Variants in RNF185 observed in about 807,000 individuals in gnomAD.
RNF185 encodes the protein ring finger protein 185, also known as E3 ubiquitin-protein ligase RNF185.
RNF185 carries 13 observed loss-of-function variants against 24.9 expected under a neutral mutation model. That is an observed-to-expected ratio of 0.52 (90% confidence interval 0.34 to 0.83). The LOEUF is 0.83. Among genes scored for constraint, RNF185 ranks in the 40% least tolerant of loss-of-function variants. The pLI, the probability that RNF185 is intolerant of heterozygous loss-of-function variation, is 0.01. For synonymous variants in RNF185, 79 were observed against 90.3 expected, an observed-to-expected ratio of 0.88 and a Z score of 0.71; for missense variants, 184 against 244.7, an observed-to-expected ratio of 0.75 and a Z score of 1.65.
chr22:31,188,782 A>C (rs932576834), intron 2 of RNF185, among the ~76,000 whole-genome samples: 1 of 151,236 alleles, frequency 6.6e-6, no homozygotes, highest in Non-Finnish European at 1.5e-5. Flanking sequence ...GTATCACTGC[A>C]CTCCAGTCTA....
intron 4 of RNF185, 123 bp from the exon 5 acceptor site, chr22:31,196,813 G>A (rs2147959495): frequency 1.6e-6 from 2 of 1,278,780 alleles, no homozygotes; most frequent in East Asian, 2.5e-5. Flanking sequence ...TCTGGCATAA[G>A]TTCATGTCCT....
At position 31,180,903 on chromosome 22, in the gene RNF185, T is replaced by TTC. The variant is rs59737558; in HGVS notation, c.-48-6132_-48-6131dup. On this transcript the variant is annotated intron_variant, in intron 1 of 6. Coordinates refer to ENST00000326132, the MANE Select transcript of RNF185 (RefSeq NM_152267.4). ...GTTTAATGTGTATTTTCTAGGCATT[T>TTC]TCTCTCTCTCTCTGTGTGTGTGTGT... is the stretch of plus-strand genomic sequence containing the variant. Among the ~76,000 whole-genome samples the TTC allele has an allele frequency of 1.3e-4, 18 of 134,256 alleles. No homozygotes were observed. In the South Asian group the frequency reaches 2.8e-3, roughly 21 times the overall value. 88.1% of individuals were successfully genotyped at this position (134,256 alleles called of 152,430 possible).
At chr22:31,197,417 A>G (rs2048216420) in intron 5 of RNF185, among the ~76,000 whole-genome samples, 1 of 152,170 alleles carries the variant, frequency 6.6e-6, no homozygotes, top group Non-Finnish European at 1.5e-5. Context: ...ATTGCCAGCA[A>G]TATTTTACTA....
intron 5 of RNF185, 97 bp from the exon 6 acceptor site, chr22:31,201,401 T>G (rs200597486): frequency 1.0e-3 from 859 of 851,334 alleles, no homozygotes; most frequent in East Asian, 1.3e-3. Flanking sequence ...AAGAGGCAGG[T>G]GCCACATGCA....
chr22:31,201,008 C>G (rs976878277), intron 5 of RNF185, among the ~76,000 whole-genome samples: 7 of 152,120 alleles, frequency 4.6e-5, no homozygotes, highest in African/African-American at 1.7e-4. Flanking sequence ...TCTTTGAATG[C>G]ATGTATCAAG....
intron 5 of RNF185, 59 bp from the exon 6 acceptor site, chr22:31,201,439 A>T: frequency 8.2e-7 from 1 of 1,220,536 alleles, no homozygotes; most frequent in Non-Finnish European, 1.2e-6. Flanking sequence ...TTGAGTTTTG[A>T]CAGGCACAGG....
intron 1 of RNF185, among the ~76,000 whole-genome samples, chr22:31,173,978 A>G (rs1163379329): frequency 6.6e-6 from 1 of 152,250 alleles, no homozygotes; most frequent in Non-Finnish European, 1.5e-5. Context: ...TGCTGGTTGC[A>G]TATGTCTATG....
chr22:31,178,392 C>T (rs541177598), intron 1 of RNF185, among the ~76,000 whole-genome samples: 27 of 152,234 alleles, frequency 1.8e-4, no homozygotes, highest in African/African-American at 6.5e-4. Flanking sequence ...TCTTCTAGAG[C>T]TGGGTTTCCA....
At chr22:31,178,838 A>G (rs1398535851) in intron 1 of RNF185, among the ~76,000 whole-genome samples, 2 of 152,210 alleles carry the variant, frequency 1.3e-5, no homozygotes, top group East Asian at 3.8e-4. Flanking sequence ...ACAACATTGC[A>G]CGATAAATTT....
At chr22:31,191,097 C>T (rs1197023738) in intron 2 of RNF185, among the ~76,000 whole-genome samples, 1 of 152,188 alleles carries the variant, frequency 6.6e-6, no homozygotes, top group Non-Finnish European at 1.5e-5. Flanking sequence ...TGCCTAATGA[C>T]ACATTTCTCA....
intron 1 of RNF185, among the ~76,000 whole-genome samples, chr22:31,184,610 C>G (rs1016151854): frequency 1.3e-5 from 2 of 152,182 alleles, no homozygotes; most frequent in Admixed American, 1.3e-4. Context: ...CGCCACTGCA[C>G]TCCAGCCTGG....
At chr22:31,204,159 A>G (rs1239665680) in intron 6 of RNF185, among the ~76,000 whole-genome samples, 1 of 151,782 alleles carries the variant, frequency 6.6e-6, no homozygotes, top group Non-Finnish European at 1.5e-5. Flanking sequence ...CCTGACCAAC[A>G]TGGTGAAACC....
chr22:31,184,885 G>A (rs958777799), intron 1 of RNF185, among the ~76,000 whole-genome samples: 9 of 150,220 alleles, frequency 6.0e-5, no homozygotes, highest in Non-Finnish European at 1.0e-4. Flanking sequence ...GCCTCAGCTC[G>A]GCATCAGAGG....
intron 5 of RNF185, among the ~76,000 whole-genome samples, chr22:31,201,117 G>A (rs747866347): frequency 2.0e-5 from 3 of 152,228 alleles, no homozygotes; most frequent in Non-Finnish European, 4.4e-5. Flanking sequence ...GGGCACAGGG[G>A]TGGCTGTCAA....
intron 1 of RNF185, among the ~76,000 whole-genome samples, chr22:31,170,248 G>A (rs983542215): frequency 2.6e-5 from 4 of 152,126 alleles, no homozygotes; most frequent in African/African-American, 7.2e-5. Flanking sequence ...GAGTGCAGTG[G>A]TGCAATCTCT....
chr22:31,169,453 T>C (rs934658792), intron 1 of RNF185, among the ~76,000 whole-genome samples: 1 of 152,206 alleles, frequency 6.6e-6, no homozygotes, highest in African/African-American at 2.4e-5. Context: ...TTGCCAGAAA[T>C]ATAGTTTTTA....
At chr22:31,168,539 A>C (rs1332332054) in intron 1 of RNF185, among the ~76,000 whole-genome samples, 1 of 152,160 alleles carries the variant, frequency 6.6e-6, no homozygotes, top group Non-Finnish European at 1.5e-5. Context: ...ATGTATAGCT[A>C]TTTCTTTGCG....
chr22:31,198,866 G>A lies in RNF185; in HGVS notation c.363+1876G>A, dbSNP rs549947611. On this transcript the variant is annotated intron_variant, in intron 5 of 6. Coordinates refer to ENST00000326132, the MANE Select transcript of RNF185 (RefSeq NM_152267.4). ...TCTCAGCACTTTGGGAGGCTGAGGC[G>A]GGTGGATCACCTGAGGTCAGGAATT... 1.0e-3 allele frequency among the ~76,000 whole-genome samples: 154 copies of A among 150,362 alleles called. 1 individual carries two copies. Among genetic ancestry groups the A allele is most frequent in the Non-Finnish European group, 1.6e-3 (109 of 67,444 alleles).
intron 5 of RNF185, among the ~76,000 whole-genome samples, chr22:31,200,128 G>A (rs2048246196): frequency 1.3e-5 from 2 of 152,148 alleles, no homozygotes; most frequent in African/African-American, 4.8e-5. Flanking sequence ...AGGCTGAGGT[G>A]GGAGGATCAC....
Sources: allele counts gnomAD v4.1 joint callset (sites outside exome capture counted in the v4.1 genomes callset), GRCh38; gene constraint gnomAD v4.1.1; transcripts MANE v1.5; gene names NCBI Gene and HGNC (gene_info 2026-07-23, HGNC 2026-07-21).